The following SGCD variants were observed in gnomAD, a reference collection of about 807,000 sequenced individuals.
The protein encoded by SGCD is delta-sarcoglycan.
Under a neutral mutation model 36.6 loss-of-function variants are expected in SGCD, and 18 were observed. The observed-to-expected ratio is 0.49, with a 90% CI of 0.34 to 0.73. SGCD has a LOEUF of 0.73. Among genes scored for constraint, SGCD ranks in the 30% least tolerant of loss-of-function variants. SGCD has a pLI of 0.01. For missense variants in SGCD, 387 were observed against 346.7 expected, an observed-to-expected ratio of 1.12 and a Z score of -0.92; for synonymous variants, 133 against 130.6, an observed-to-expected ratio of 1.02 and a Z score of -0.12.
At chr5:156,278,268 TG>T (rs1171024982) in intron 3 of SGCD, among the ~76,000 whole-genome samples, 1 of 152,122 alleles carries the variant, frequency 6.6e-6, no homozygotes, top group East Asian at 1.9e-4. Flanking sequence ...GTAAGAGCCT[TG>T]GGCATGTTCT....
chr5:156,099,606 G>A (rs764961792), intron 1 of SGCD, among the ~76,000 whole-genome samples: 3 of 151,972 alleles, frequency 2.0e-5, no homozygotes, highest in Non-Finnish European at 2.9e-5. Context: ...GTAGAGACGG[G>A]GTTTCACCTT....
chr5:156,678,074 C>T (rs1313033891), intron 7 of SGCD, among the ~76,000 whole-genome samples: 1 of 152,156 alleles, frequency 6.6e-6, no homozygotes, highest in Non-Finnish European at 1.5e-5. Flanking sequence ...TGGTCCACAT[C>T]CCAGAATAAT....
At chr5:156,403,485 G>C (rs188539758) in intron 3 of SGCD, among the ~76,000 whole-genome samples, 2 of 152,132 alleles carry the variant, frequency 1.3e-5, no homozygotes, top group Non-Finnish European at 2.9e-5. Context: ...TTTCTGACTC[G>C]CCGAGATGAT....
chr5:155,761,836 C>T, the SGCD span, among the ~76,000 whole-genome samples: 10 of 150,516 alleles, frequency 6.6e-5, no homozygotes, highest in Non-Finnish European at 1.5e-4. Context: ...CCTTCTCCAT[C>T]ATCCTCTCCA....
rs879768081 is a variant in SGCD, at chr5:156,735,017, G to GT, written c.576-22557dup. Reference sequence around the variant, plus strand: ...CTTTGAGGTTGCTGACCTCTGGATGGTTTTTTTGTTTTGTTTTAAACAGTC... The same window carrying GT: ...CTTTGAGGTTGCTGACCTCTGGATGGTTTTTTTTGTTTTGTTTTAAACAGTC... On this transcript the variant is annotated intron_variant, in intron 7 of 8. Coordinates refer to ENST00000337851, the MANE Select transcript of SGCD (RefSeq NM_000337.6). Among the ~76,000 whole-genome samples, 87 of 152,220 alleles carry GT rather than the reference G, an allele frequency of 5.7e-4. 1 individual carries two copies. Among genetic ancestry groups the GT allele is most frequent in the Admixed American group, 4.6e-3 (70 of 15,276 alleles).
chr5:156,228,221 G>A (rs548142607), intron 3 of SGCD, among the ~76,000 whole-genome samples: 2 of 152,262 alleles, frequency 1.3e-5, no homozygotes, highest in South Asian at 2.1e-4. Context: ...TTGATGACCT[G>A]TCTAGTGCTG....
At chr5:156,094,872 A>C (rs1346848208) in intron 1 of SGCD, among the ~76,000 whole-genome samples, 8 of 152,078 alleles carry the variant, frequency 5.3e-5, no homozygotes, top group Admixed American at 3.9e-4. Flanking sequence ...GTGGTGGCAC[A>C]TGCCTGTAAT....
At chr5:156,418,659 A>G (rs984076794) in intron 3 of SGCD, among the ~76,000 whole-genome samples, 1 of 152,154 alleles carries the variant, frequency 6.6e-6, no homozygotes, top group Non-Finnish European at 1.5e-5. Flanking sequence ...GAGGAGTCCT[A>G]TTTTTACAAA....
intron 3 of SGCD, among the ~76,000 whole-genome samples, chr5:156,493,719 T>A (rs1475310134): frequency 6.6e-6 from 1 of 152,172 alleles, no homozygotes; most frequent in African/African-American, 2.4e-5. Flanking sequence ...GATTTCCAGT[T>A]AAAATTATTA....
chr5:156,517,422 A>T (rs543136138), intron 4 of SGCD, among the ~76,000 whole-genome samples: 15 of 152,306 alleles, frequency 9.8e-5, no homozygotes, highest in Non-Finnish European at 1.8e-4. Context: ...CGTACTTCAG[A>T]ATATCATCCA....
At chr5:155,871,350 T>A (rs1047867225) in intron 1 of SGCD, among the ~76,000 whole-genome samples, 2 of 152,206 alleles carry the variant, frequency 1.3e-5, no homozygotes, top group East Asian at 3.9e-4. Flanking sequence ...CCCAATAAAT[T>A]GAGGGTCTGC....
At chr5:156,564,372 C>T (rs1759390455) in intron 4 of SGCD, among the ~76,000 whole-genome samples, 1 of 152,154 alleles carries the variant, frequency 6.6e-6, no homozygotes, top group African/African-American at 2.4e-5. Flanking sequence ...ATGGCATGAA[C>T]CCGGGAGGCG....
At chr5:156,094,169 T>A (rs1761321053) in intron 1 of SGCD, among the ~76,000 whole-genome samples, 1 of 152,102 alleles carries the variant, frequency 6.6e-6, no homozygotes, top group Non-Finnish European at 1.5e-5. Context: ...GAGGCGGTAC[T>A]GTGGTCATAG....
At chr5:155,740,826 A>C in the SGCD span, among the ~76,000 whole-genome samples, 3 of 152,232 alleles carry the variant, frequency 2.0e-5, no homozygotes, top group African/African-American at 4.8e-5. Flanking sequence ...CAAAATTAAG[A>C]GTTTTGTTTT....
At chr5:156,573,798 A>T (rs1363531059) in intron 4 of SGCD, among the ~76,000 whole-genome samples, 1 of 151,956 alleles carries the variant, frequency 6.6e-6, no homozygotes, top group African/African-American at 2.4e-5. Flanking sequence ...GACTCAAGTG[A>T]TCCTCTCAAC....
chr5:156,370,129 C>T (rs866733225), intron 3 of SGCD, among the ~76,000 whole-genome samples: 4 of 152,082 alleles, frequency 2.6e-5, no homozygotes, highest in Middle Eastern at 3.2e-3. Flanking sequence ...AGTTTAAGGT[C>T]GCAGATTCTG....
At chr5:156,160,481 A>T (rs1001127777) in intron 3 of SGCD, among the ~76,000 whole-genome samples, 1 of 151,728 alleles carries the variant, frequency 6.6e-6, no homozygotes, top group Non-Finnish European at 1.5e-5. Flanking sequence ...GTCCAGAATC[A>T]TATAAATCAA....
intron 3 of SGCD, among the ~76,000 whole-genome samples, chr5:156,241,251 C>CGTGTGTGTGTGT (rs60843726): frequency 0.013 from 1,934 of 145,144 alleles, 23 homozygotes; most frequent in African/African-American, 0.033. Flanking sequence ...TAGACCAAAA[C>CGTGTGTGTGTGT]GTGTGTGTGT....
At chr5:156,116,266 A>G (rs569178853) in intron 1 of SGCD, among the ~76,000 whole-genome samples, 1 of 152,030 alleles carries the variant, frequency 6.6e-6, no homozygotes, top group Non-Finnish European at 1.5e-5. Flanking sequence ...AGATTTAAAT[A>G]TATCTGCAGT....
Sources: allele counts gnomAD v4.1 joint callset (sites outside exome capture counted in the v4.1 genomes callset), GRCh38; gene constraint gnomAD v4.1.1; transcripts MANE v1.5; gene names NCBI Gene and HGNC (gene_info 2026-07-23, HGNC 2026-07-21).